Variants in STX2 observed in about 807,000 individuals in gnomAD.
STX2 encodes the protein syntaxin 2, also known as syntaxin-2.
Under a neutral mutation model 40.6 loss-of-function variants are expected in STX2, and 27 were observed. That is an observed-to-expected ratio of 0.66 (90% confidence interval 0.49 to 0.92). The LOEUF (loss-of-function observed/expected upper bound fraction) is 0.92, where lower values mean the gene tolerates loss of function less well. Among genes scored for constraint, STX2 ranks in the 40% least tolerant of loss-of-function variants. The probability of loss-of-function intolerance (pLI) is 0.00; values close to 1 mark genes in which losing one functional copy is unlikely to be tolerated. For missense variants in STX2, 328 were observed against 366.1 expected (o/e 0.90, Z 0.85); for synonymous variants, 123 against 119.1 (o/e 1.03, Z -0.22).
chr12:130,813,498 G>A (rs554200812), intron 3 of STX2, among the ~76,000 whole-genome samples: 18 of 152,292 alleles, frequency 1.2e-4, no homozygotes, highest in African/African-American at 3.4e-4. Flanking sequence ...CAAAACGCCC[G>A]AATAATCACA....
intron 10 of STX2, among the ~76,000 whole-genome samples, chr12:130,794,756 C>G (rs921127601): frequency 6.6e-6 from 1 of 152,134 alleles, no homozygotes; most frequent in African/African-American, 2.4e-5. Context: ...GAGACTTAAC[C>G]ATGCTCGTGA....
rs75179819 is a variant in STX2 at position 130,834,503 on chromosome 12, A to G, written c.30+4567T>C. Among the ~76,000 whole-genome samples, 21 of 152,320 alleles carry G rather than the reference A, an allele frequency of 1.4e-4. No individual in the cohort carries two copies. The East Asian group carries it at 3.5e-3, about 25-fold the overall frequency. On this transcript the variant is annotated intron_variant, in intron 1 of 10. Coordinates refer to ENST00000392373, the MANE Select transcript of STX2 (RefSeq NM_194356.4). ...GGCAGGAGCAAATCCTGCCACCACA[A>G]GGCGATAGATCTGGGCTCCTAGGGA... is the stretch of plus-strand genomic sequence containing the variant.
chr12:130,800,356 A>T (rs1951180216), intron 8 of STX2, among the ~76,000 whole-genome samples: 2 of 147,904 alleles, frequency 1.4e-5, no homozygotes, highest in South Asian at 4.3e-4. Context: ...GCTGGAGTGT[A>T]GTGGCATGAT....
intron 10 of STX2, among the ~76,000 whole-genome samples, chr12:130,792,354 C>T (rs927523847): frequency 1.3e-5 from 2 of 152,180 alleles, no homozygotes; most frequent in African/African-American, 2.4e-5. Flanking sequence ...GCACCAGGCC[C>T]GGCCGACACT....
intron 8 of STX2, among the ~76,000 whole-genome samples, chr12:130,799,852 TCA>T (rs1951160106): frequency 6.6e-6 from 1 of 151,764 alleles, no homozygotes; most frequent in Non-Finnish European, 1.5e-5. Flanking sequence ...CCTGAGTTTT[TCA>T]CACACATTCT....
At chr12:130,800,055 G>A (rs1392631581) in intron 8 of STX2, among the ~76,000 whole-genome samples, 2 of 152,170 alleles carry the variant, frequency 1.3e-5, no homozygotes, top group African/African-American at 4.8e-5. Flanking sequence ...CAGGACAAGT[G>A]AGGAAACCAT....
chr12:130,808,295 C>A (rs994080823), intron 5 of STX2, among the ~76,000 whole-genome samples: 10 of 152,214 alleles, frequency 6.6e-5, no homozygotes, highest in Non-Finnish European at 1.3e-4. Flanking sequence ...CCGCTGCCTA[C>A]CCCCACTTTT....
intron 1 of STX2, 120 bp downstream of exon 1, chr12:130,838,950 G>A (rs1267633956): frequency 6.8e-6 from 6 of 879,052 alleles, no homozygotes; most frequent in Middle Eastern, 1.1e-3. Context: ...GCCCCAGAAC[G>A]CCGGAGATCC....
At chr12:130,820,154 G>A (rs1952057222) in intron 3 of STX2, among the ~76,000 whole-genome samples, 1 of 152,100 alleles carries the variant, frequency 6.6e-6, no homozygotes, top group Non-Finnish European at 1.5e-5. Context: ...TACTGTACTG[G>A]AGGTCAGCTA....
intron 6 of STX2, among the ~76,000 whole-genome samples, chr12:130,804,268 G>A (rs955678477): frequency 1.3e-5 from 2 of 152,172 alleles, no homozygotes; most frequent in Non-Finnish European, 2.9e-5. Flanking sequence ...AAAGAAAGGG[G>A]ACAAAATGGT....
chr12:130,805,694 A>C (rs948829766), intron 6 of STX2, among the ~76,000 whole-genome samples: 6 of 152,210 alleles, frequency 3.9e-5, no homozygotes, highest in Non-Finnish European at 7.3e-5. Flanking sequence ...CTCTAAATGC[A>C]AGATCCCAAA....
chr12:130,822,346 G>A (rs575573862), intron 2 of STX2, among the ~76,000 whole-genome samples: 53 of 152,102 alleles, frequency 3.5e-4, no homozygotes, highest in Middle Eastern at 3.4e-3. Flanking sequence ...GAATCGGGAG[G>A]CAGAGGTTGC....
chr12:130,792,413 T>C (rs983649071), intron 10 of STX2, among the ~76,000 whole-genome samples: 1 of 152,208 alleles, frequency 6.6e-6, no homozygotes, highest in Non-Finnish European at 1.5e-5. Flanking sequence ...TTGGATGAAT[T>C]ACACATATTT....
chr12:130,807,154 A>G, intron 5 of STX2, 64 bp from the exon 6 acceptor site: 1 of 1,509,770 alleles, frequency 6.6e-7, no homozygotes, highest in Admixed American at 1.7e-5. Flanking sequence ...AGTGACATGC[A>G]AGACATGCAT....
In STX2 at chr12:130,813,017, G is replaced by A. The variant is rs1422715492; in HGVS notation, c.220C>T (p.Leu74Phe). 2.0e-6 allele frequency: 3 copies of A among 1,521,650 alleles called. No homozygotes were observed. In the South Asian group the frequency reaches 4.0e-5, roughly 20 times the overall value. 94.3% of individuals were successfully genotyped at this position (1,521,650 alleles called of 1,614,324 possible). Residue 74 changes from leucine (L) to phenylalanine (F), a missense_variant, in exon 4 of 11, where the codon CTT becomes TTT. Physicochemically the swap from Leu to Phe is conservative, Grantham distance 22. Transcript: ENST00000392373. ...PNPEGKIKEELEDLNKEIKKT... is the reference protein window; with the variant it reads ...PNPEGKIKEEFEDLNKEIKKT... ...TTGATTTCTTTGTTCAGATCTTCAA[G>A]CTCTTCTTTTATTTCTATAAAAATT...
In STX2 at chr12:130,796,011, A is replaced by T; in HGVS notation, c.*29T>A. ...GTTACTTACTCCCACCCTGGCAGAG[A>T]GGCATGCACACTGACGTTATCCACA... is the stretch of plus-strand genomic sequence containing the variant. On this transcript the variant is annotated 3_prime_UTR_variant, in exon 10 of 11. Coordinates refer to ENST00000392373, the MANE Select transcript of STX2 (RefSeq NM_194356.4). 2 of 1,609,470 alleles carry T rather than the reference A, an allele frequency of 1.2e-6. No individual in the cohort carries two copies. The highest frequency in any genetic ancestry group is 1.7e-6 in the Non-Finnish European group (2 of 1,178,508).
At chr12:130,813,990 C>G (rs1951758213) in intron 3 of STX2, among the ~76,000 whole-genome samples, 1 of 152,208 alleles carries the variant, frequency 6.6e-6, no homozygotes, top group Non-Finnish European at 1.5e-5. Context: ...TTCAGAGATG[C>G]CCACTCTCTT....
At chr12:130,825,863 G>A (rs966486980) in intron 2 of STX2, among the ~76,000 whole-genome samples, 13 of 152,190 alleles carry the variant, frequency 8.5e-5, no homozygotes, top group Admixed American at 5.9e-4. Flanking sequence ...CCCACTGGAC[G>A]TGTGTTTTCG....
At chr12:130,805,487 G>C (rs1246879470) in intron 6 of STX2, among the ~76,000 whole-genome samples, 2 of 152,228 alleles carry the variant, frequency 1.3e-5, no homozygotes, top group Non-Finnish European at 2.9e-5. Flanking sequence ...GATGGAGTAT[G>C]AGAGATGAGA....
Sources: allele counts gnomAD v4.1 joint callset (sites outside exome capture counted in the v4.1 genomes callset), GRCh38; gene constraint gnomAD v4.1.1; transcripts MANE v1.5; gene names NCBI Gene and HGNC (gene_info 2026-07-23, HGNC 2026-07-21).